The following CLMP variants were observed in gnomAD, a reference collection of about 807,000 sequenced individuals.
CLMP encodes the protein CXADR like cell adhesion molecule, also known as CXADR-like membrane protein.
Under a neutral mutation model 45.2 loss-of-function variants are expected in CLMP, and 27 were observed. That is an observed-to-expected ratio of 0.60 (90% confidence interval 0.44 to 0.82). CLMP has a LOEUF of 0.82. Ranked by LOEUF, CLMP falls within the 40% of genes least tolerant of loss-of-function variation. The pLI is 0.00. For missense variants in CLMP, 403 were observed against 448.4 expected, an observed-to-expected ratio of 0.90 and a Z score of 0.91; for synonymous variants, 167 against 171.4, an observed-to-expected ratio of 0.97 and a Z score of 0.20.
chr11:123,091,250 G>T (rs1038618342), intron 2 of CLMP, among the ~76,000 whole-genome samples: 1 of 152,028 alleles, frequency 6.6e-6, no homozygotes, highest in African/African-American at 2.4e-5. Flanking sequence ...GACCACAGGC[G>T]CATGCCACCA....
intron 1 of CLMP, among the ~76,000 whole-genome samples, chr11:123,139,423 G>T (rs1861123998): frequency 6.6e-6 from 1 of 152,164 alleles, no homozygotes; most frequent in African/African-American, 2.4e-5. Flanking sequence ...AACCTCTGTG[G>T]CCTTGAGCAA....
chr11:123,074,490 C>A (rs895600143), intron 6 of CLMP, among the ~76,000 whole-genome samples: 5 of 152,036 alleles, frequency 3.3e-5, no homozygotes, highest in African/African-American at 1.2e-4. Context: ...CCTAATTTAA[C>A]TTTTAAGTGT....
At position 123,083,106 on chromosome 11, in the gene CLMP, C is replaced by T; in HGVS notation, c.658G>A (p.Val220Met). Reference sequence around the variant, plus strand: ...TTACACTGTACAGTTACTCGCACCACACAGCTTTCCTTCCCAGCTTCGTTG... The same window carrying T: ...TTACACTGTACAGTTACTCGCACCATACAGCTTTCCTTCCCAGCTTCGTTG... The part of the protein sequence containing the change: ...AGNEAGKESC[V>M]VRVTVQYVQS... The change falls in exon 5 of 7, where the codon GTG becomes ATG. Residue 220 changes from valine to methionine, a missense_variant. By Grantham distance (21) the Val-to-Met change is conservative. Transcript: ENST00000448775. 6.2e-7 allele frequency: 1 copy of T among 1,614,216 alleles called. No homozygotes were observed. The highest frequency in any genetic ancestry group is 1.1e-5 in the South Asian group (1 of 91,086).
chr11:123,188,519 C>T (rs921057754), intron 1 of CLMP, among the ~76,000 whole-genome samples: 1 of 152,140 alleles, frequency 6.6e-6, no homozygotes, highest in Non-Finnish European at 1.5e-5. Context: ...CTTTCCACAT[C>T]CCCCTTGCTG....
intron 1 of CLMP, among the ~76,000 whole-genome samples, chr11:123,138,717 G>C (rs763353724): frequency 2.0e-5 from 3 of 151,470 alleles, no homozygotes; most frequent in Admixed American, 1.3e-4. Context: ...GCGATGGCAC[G>C]ATCTCAGCTC....
intron 1 of CLMP, among the ~76,000 whole-genome samples, chr11:123,156,531 G>A (rs1299252418): frequency 6.6e-6 from 1 of 152,072 alleles, no homozygotes; most frequent in Non-Finnish European, 1.5e-5. Flanking sequence ...ATTAAGTGGT[G>A]GTCGGGGGGA....
chr11:123,130,809 C>T (rs1022257609), intron 1 of CLMP, among the ~76,000 whole-genome samples: 2 of 151,498 alleles, frequency 1.3e-5, no homozygotes, highest in African/African-American at 4.9e-5. Flanking sequence ...TCTTTGTTTT[C>T]CTTCCCCAAA....
At chr11:123,177,726 T>C (rs1009090399) in intron 1 of CLMP, among the ~76,000 whole-genome samples, 1 of 152,232 alleles carries the variant, frequency 6.6e-6, no homozygotes, top group African/African-American at 2.4e-5. Flanking sequence ...GACACATGTT[T>C]AAAACATCTT....
At chr11:123,076,991 C>CTTTTTT (rs869224079) in intron 5 of CLMP, among the ~76,000 whole-genome samples, 176 of 99,614 alleles carry the variant, frequency 1.8e-3, no homozygotes, top group Non-Finnish European at 2.4e-3. Context: ...GCTATTTATT[C>CTTTTTT]TTTTTTTTTT....
chr11:123,154,895 A>G (rs899955805), intron 1 of CLMP, among the ~76,000 whole-genome samples: 3 of 152,242 alleles, frequency 2.0e-5, no homozygotes, highest in Non-Finnish European at 4.4e-5. Flanking sequence ...TGGTGGTCAG[A>G]ACTATTTCAA....
intron 5 of CLMP, 31 bp downstream of exon 5, chr11:123,083,054 A>G (rs1254004457): frequency 6.2e-7 from 1 of 1,610,812 alleles, no homozygotes; most frequent in East Asian, 2.2e-5. Flanking sequence ...ACAAACAGAA[A>G]AATGAAACTA....
intron 1 of CLMP, among the ~76,000 whole-genome samples, chr11:123,144,032 C>T (rs1297554433): frequency 6.6e-6 from 1 of 152,122 alleles, no homozygotes; most frequent in Non-Finnish European, 1.5e-5. Flanking sequence ...TGGTCTCAAA[C>T]TCTTGGCCTC....
intron 1 of CLMP, among the ~76,000 whole-genome samples, chr11:123,182,658 T>C (rs1861784519): frequency 6.6e-6 from 1 of 152,082 alleles, no homozygotes; most frequent in Non-Finnish European, 1.5e-5. Context: ...CACAGGCTAC[T>C]GCTGTCCTCA....
At chr11:123,095,720 A>T (rs534246699) in intron 2 of CLMP, among the ~76,000 whole-genome samples, 2 of 152,284 alleles carry the variant, frequency 1.3e-5, no homozygotes, top group African/African-American at 4.8e-5. Context: ...TCATGAAATT[A>T]CTAAGAGGGA....
chr11:123,102,350 GGCTCAGT>G (rs1439568093), intron 1 of CLMP, among the ~76,000 whole-genome samples: 1 of 131,352 alleles, frequency 7.6e-6, no homozygotes, highest in Non-Finnish European at 1.5e-5. Flanking sequence ...GCACAATCTT[GGCTCAGT>G]GCAACCTCCG....
intron 1 of CLMP, among the ~76,000 whole-genome samples, chr11:123,120,635 C>CTAACT (rs1389849853): frequency 6.6e-6 from 1 of 152,070 alleles, no homozygotes; most frequent in Non-Finnish European, 1.5e-5. Flanking sequence ...AGTTTTAATA[C>CTAACT]ATGTCTGAAA....
chr11:123,166,645 TG>T (rs1212776723), intron 1 of CLMP, among the ~76,000 whole-genome samples: 14 of 152,322 alleles, frequency 9.2e-5, no homozygotes, highest in Non-Finnish European at 2.1e-4. Context: ...TTTCAGAAAC[TG>T]GGGGCCATAA....
At chr11:123,163,025 C>A (rs1417786021) in intron 1 of CLMP, among the ~76,000 whole-genome samples, 1 of 152,032 alleles carries the variant, frequency 6.6e-6, no homozygotes, top group African/African-American at 2.4e-5. Context: ...AAGTGGGTAC[C>A]TGTACCTTGA....
chr11:123,173,880 G>A (rs1051170782), intron 1 of CLMP, among the ~76,000 whole-genome samples: 1 of 152,078 alleles, frequency 6.6e-6, no homozygotes, highest in South Asian at 2.1e-4. Context: ...TCAGGAGTTC[G>A]AGACCAGCCT....
Sources: gnomAD v4.1 joint callset for allele counts (sites outside exome capture counted in the v4.1 genomes callset) on GRCh38, gnomAD v4.1.1 for gene constraint, MANE v1.5 for transcripts, NCBI Gene and HGNC (gene_info 2026-07-23, HGNC 2026-07-21) for gene names.